The following FERMT2 variants were observed in gnomAD, a reference collection of about 807,000 sequenced individuals.
The protein encoded by FERMT2 is fermitin family homolog 2.
FERMT2 carries 15 observed loss-of-function variants against 82.7 expected under a neutral mutation model. The observed-to-expected ratio is 0.18, with a 90% confidence interval of 0.12 to 0.28. FERMT2 has a LOEUF of 0.28. FERMT2 is among the 10% of genes least tolerant of loss of function. The pLI is 1.00. For synonymous variants in FERMT2, 274 were observed against 271.5 expected, an observed-to-expected ratio of 1.01 and a Z score of -0.09; for missense variants, 645 against 809.4, an observed-to-expected ratio of 0.80 and a Z score of 2.46.
At chr14:52,927,713 G>A (rs1889365425) in intron 2 of FERMT2, among the ~76,000 whole-genome samples, 1 of 148,376 alleles carries the variant, frequency 6.7e-6, no homozygotes, top group Non-Finnish European at 1.5e-5. Context: ...AGGTTGCATA[G>A]AAAGTTGATC....
At chr14:52,892,159 G>GGTTTTTTTTTTTTTTTTTTT (rs1555368978) in intron 4 of FERMT2, among the ~76,000 whole-genome samples, 2 of 78,758 alleles carry the variant, frequency 2.5e-5, no homozygotes, top group African/African-American at 7.8e-5. Flanking sequence ...AGAGAAGGCT[G>GGTTTTTTTTTTTTTTTTTTT]TTTTTTGTTT....
intron 4 of FERMT2, among the ~76,000 whole-genome samples, chr14:52,885,312 CAAAAA>C (rs1181582996): frequency 1.6e-4 from 10 of 61,076 alleles, no homozygotes; most frequent in South Asian, 9.0e-4. Flanking sequence ...GACTTAGTCT[CAAAAA>C]AAAAAAAAAA....
chr14:52,874,055 T>C, intron 9 of FERMT2, 122 bp downstream of exon 9: 1 of 517,166 alleles, frequency 1.9e-6, no homozygotes. Context: ...TTCACCTAAC[T>C]GGTAAATCCT....
At chr14:52,904,242 C>T (rs1269332655) in intron 3 of FERMT2, among the ~76,000 whole-genome samples, 4 of 151,146 alleles carry the variant, frequency 2.6e-5, no homozygotes, top group South Asian at 2.1e-4. Flanking sequence ...GTAAGCTGGG[C>T]GCAGTGGCTC....
intron 3 of FERMT2, among the ~76,000 whole-genome samples, chr14:52,915,634 G>A (rs979969512): frequency 6.6e-6 from 1 of 152,104 alleles, no homozygotes; most frequent in African/African-American, 2.4e-5. Flanking sequence ...GTAGATAAAA[G>A]CAGTAAACAT....
chr14:52,902,224 C>T (rs1451775867), intron 3 of FERMT2, among the ~76,000 whole-genome samples: 2 of 151,952 alleles, frequency 1.3e-5, no homozygotes, highest in East Asian at 3.9e-4. Context: ...GAAACCCTGT[C>T]TCTACTAAAA....
chr14:52,902,740 G>A (rs185418188), intron 3 of FERMT2, among the ~76,000 whole-genome samples: 3 of 150,748 alleles, frequency 2.0e-5, no homozygotes, highest in African/African-American at 4.9e-5. Flanking sequence ...ATGGTTGTGA[G>A]TGCCTGTAAT....
chr14:52,889,876 C>T (rs570652972), intron 4 of FERMT2, among the ~76,000 whole-genome samples: 2 of 152,252 alleles, frequency 1.3e-5, no homozygotes, highest in East Asian at 1.9e-4. Context: ...TGCTTGTAAT[C>T]GCAACACTTT....
In FERMT2 at chr14:52,947,758, TTCTTTTGTTACAGACC is replaced by T. The variant is rs1890428903; in HGVS notation, c.157+2638_157+2653del. Among the ~76,000 whole-genome samples the T allele has an allele frequency of 3.3e-5, 5 of 152,182 alleles. No individual in the cohort carries two copies. In the South Asian group the frequency reaches 1.0e-3, roughly 31 times the overall value. ...CCAAACCATAAAATTGTGTCATGAC[TTCTTTTGTTACAGACC>T]TCTTTGAGAAATTAAAGTGAAGAAG... On this transcript the variant is annotated intron_variant, in intron 2 of 14. Coordinates refer to ENST00000341590, the MANE Select transcript of FERMT2 (RefSeq NM_006832.3).
chr14:52,859,380 T>C (rs1218872102), intron 14 of FERMT2, 193 bp downstream of exon 14: 2 of 507,522 alleles, frequency 3.9e-6, no homozygotes. Context: ...AATTATGCAC[T>C]TAGAATTTTA....
At chr14:52,881,540 T>C (rs2140119144) in intron 4 of FERMT2, 71 bp from the exon 5 acceptor site, 2 of 1,138,418 alleles carry the variant, frequency 1.8e-6, no homozygotes, top group East Asian at 2.4e-5. Flanking sequence ...ATAACACATA[T>C]TATGATATAA....
At chr14:52,920,013 C>T (rs759478386) in intron 2 of FERMT2, among the ~76,000 whole-genome samples, 3 of 152,110 alleles carry the variant, frequency 2.0e-5, no homozygotes, top group East Asian at 1.9e-4. Context: ...TCTCTGAGCA[C>T]GTTTTGGTAC....
intron 3 of FERMT2, among the ~76,000 whole-genome samples, chr14:52,897,389 A>C (rs535115503): frequency 5.3e-5 from 8 of 152,230 alleles, no homozygotes; most frequent in Admixed American, 3.3e-4. Flanking sequence ...AACAAGATGG[A>C]TATATGTTCT....
At chr14:52,860,063 C>T (rs1884829113) in intron 13 of FERMT2, 6 of 318,166 alleles carry the variant, frequency 1.9e-5, no homozygotes, top group Admixed American at 4.8e-5. Flanking sequence ...GTGATCCACC[C>T]ACCTCGGCCT....
chr14:52,879,971 A>G (rs1165648871), intron 6 of FERMT2, among the ~76,000 whole-genome samples: 1 of 152,192 alleles, frequency 6.6e-6, no homozygotes, highest in African/African-American at 2.4e-5. Context: ...TAGACCTAAG[A>G]AAAATTTGGC....
intron 6 of FERMT2, 113 bp from the exon 7 acceptor site, chr14:52,878,802 T>C: frequency 3.6e-6 from 2 of 558,970 alleles, no homozygotes; most frequent in Non-Finnish European, 6.1e-6. Context: ...CCTGGGATCT[T>C]AATTTACAAG....
chr14:52,864,473 C>T lies in FERMT2; in HGVS notation c.1530G>A (p.Glu510=). The T allele has an allele frequency of 6.2e-7, 1 of 1,614,050 alleles. No individual in the cohort carries two copies. The highest frequency in any genetic ancestry group is 8.5e-7 in the Non-Finnish European group (1 of 1,179,950). Residue 510 remains glutamate (E), a synonymous_variant, in exon 12 of 15, where the codon GAG becomes GAA. Coordinates refer to ENST00000341590, the MANE Select transcript of FERMT2 (RefSeq NM_006832.3). ...HLNPDPQLIP[E]QITTDITPEC... Reference sequence around the variant, plus strand: ...CAGGAGTTATATCAGTCGTGATCTGCTCTGGTATTAACTGAGGATCTGGGT... The same window carrying T: ...CAGGAGTTATATCAGTCGTGATCTGTTCTGGTATTAACTGAGGATCTGGGT...
chr14:52,871,966 G>A (rs1158541869), intron 10 of FERMT2: 1 of 152,450 alleles, frequency 6.6e-6, no homozygotes, highest in African/African-American at 2.4e-5. Flanking sequence ...GTGTGAGGAA[G>A]AGGTGTTGGG....
intron 4 of FERMT2, among the ~76,000 whole-genome samples, chr14:52,883,203 G>A (rs770277481): frequency 2.0e-5 from 3 of 152,128 alleles, no homozygotes; most frequent in Admixed American, 6.5e-5. Flanking sequence ...TCCGAACACT[G>A]TTAATCCTAA....
Sources: gnomAD v4.1 joint callset for allele counts (sites outside exome capture counted in the v4.1 genomes callset) on GRCh38, gnomAD v4.1.1 for gene constraint, MANE v1.5 for transcripts, NCBI Gene and HGNC (gene_info 2026-07-23, HGNC 2026-07-21) for gene names.